Variants in CEP350 observed in about 807,000 individuals in gnomAD.
CEP350 encodes the protein centrosomal protein 350, also known as centrosome-associated protein 350.
Under a neutral mutation model 331.8 loss-of-function variants are expected in CEP350, and 126 were observed. The observed-to-expected ratio is 0.38, with a 90% CI of 0.33 to 0.44. The LOEUF (loss-of-function observed/expected upper bound fraction) is 0.44. Ranked by LOEUF, CEP350 falls within the 20% of genes least tolerant of loss-of-function variation. CEP350 has a pLI of 1.00. For missense variants in CEP350, 3,406 were observed against 3,634.6 expected, an observed-to-expected ratio of 0.94 and a Z score of 1.62; for synonymous variants, 1,200 against 1,259.5, an observed-to-expected ratio of 0.95 and a Z score of 1.00.
In CEP350 at chr1:179,954,878, A is replaced by AG; in HGVS notation, c.-277dup. 2.1e-6 allele frequency: 1 copy of AG among 480,628 alleles called. No individual in the cohort carries two copies. Among genetic ancestry groups the AG allele is most frequent in the Non-Finnish European group, 3.4e-6 (1 of 289,964 alleles). 29.8% of individuals were successfully genotyped at this position (480,628 alleles called of 1,614,324 possible). Reference sequence around the variant, plus strand: ...GACTCCCGGGCCGGGGAGCGGGGCCAGACCTGCGCCAGAGAGAACTGCAGG... The same window carrying AG: ...GACTCCCGGGCCGGGGAGCGGGGCCAGGACCTGCGCCAGAGAGAACTGCAGG... On this transcript the variant is annotated 5_prime_UTR_variant, in exon 1 of 38. Transcript: ENST00000367607.
At chr1:180,002,414 C>G (rs780486900) in intron 6 of CEP350, among the ~76,000 whole-genome samples, 1 of 152,058 alleles carries the variant, frequency 6.6e-6, no homozygotes, top group African/African-American at 2.4e-5. Flanking sequence ...GTGGAGGTTG[C>G]AGTGAGCTGA....
chr1:180,018,842 G>A (rs1430772716), intron 11 of CEP350, among the ~76,000 whole-genome samples: 6 of 145,120 alleles, frequency 4.1e-5, no homozygotes, highest in Non-Finnish European at 9.0e-5. Context: ...CCTCATGTTC[G>A]TCTTCTCTTT....
In CEP350 at chr1:179,965,237, T is replaced by C. The variant is rs373764645; in HGVS notation, c.-14+10095T>C. ...TTCCTTTTGGTATTGATTTCTAATTTTATTCTACTGTAGTCTGATAATATG... is the reference window on the plus strand; with the variant it reads ...TTCCTTTTGGTATTGATTTCTAATTCTATTCTACTGTAGTCTGATAATATG... On this transcript the variant is annotated intron_variant, in intron 1 of 37. Transcript: ENST00000367607. 1.2e-4 allele frequency among the ~76,000 whole-genome samples: 18 copies of C among 152,328 alleles called. No homozygotes were observed. In the East Asian group the frequency reaches 2.5e-3, roughly 21 times the overall value.
At chr1:179,979,662 AT>A (rs1229176346) in intron 1 of CEP350, among the ~76,000 whole-genome samples, 1 of 151,798 alleles carries the variant, frequency 6.6e-6, no homozygotes, top group Non-Finnish European at 1.5e-5. Flanking sequence ...TTTTCTTCTA[AT>A]TATTTTATAG....
At chr1:180,047,416 A>G (rs1190926670) in intron 21 of CEP350, among the ~76,000 whole-genome samples, 1 of 152,138 alleles carries the variant, frequency 6.6e-6, no homozygotes, top group Non-Finnish European at 1.5e-5. Flanking sequence ...TCTAAATGAT[A>G]GTAGTTGAAG....
intron 6 of CEP350, among the ~76,000 whole-genome samples, chr1:179,998,943 A>T (rs1014460615): frequency 6.6e-6 from 1 of 152,090 alleles, no homozygotes; most frequent in African/African-American, 2.4e-5. Context: ...GTCCAATATT[A>T]TAATTAATAA....
chr1:179,964,031 C>T (rs1218253611), intron 1 of CEP350, among the ~76,000 whole-genome samples: 1 of 152,094 alleles, frequency 6.6e-6, no homozygotes, highest in Non-Finnish European at 1.5e-5. Context: ...AGAAATCTTT[C>T]ACCTCCCTGG....
intron 21 of CEP350, among the ~76,000 whole-genome samples, chr1:180,045,471 C>T (rs1039095591): frequency 6.6e-6 from 1 of 152,160 alleles, no homozygotes; most frequent in African/African-American, 2.4e-5. Flanking sequence ...TTACAGTTAA[C>T]ATACTGACAT....
At chr1:180,109,475 G>A (rs1283155684) in intron 37 of CEP350, among the ~76,000 whole-genome samples, 1 of 152,046 alleles carries the variant, frequency 6.6e-6, no homozygotes, top group African/African-American at 2.4e-5. Context: ...GGAGCATGTT[G>A]TCACTTGGCT....
chr1:180,100,271 C>T (rs1040109960), intron 37 of CEP350, among the ~76,000 whole-genome samples: 7 of 152,202 alleles, frequency 4.6e-5, no homozygotes, highest in Non-Finnish European at 8.8e-5. Flanking sequence ...TGTTAAGTGA[C>T]TTGCCCAGTA....
intron 25 of CEP350, among the ~76,000 whole-genome samples, chr1:180,056,882 A>G (rs1462223439): frequency 6.6e-6 from 1 of 152,104 alleles, no homozygotes; most frequent in Non-Finnish European, 1.5e-5. Context: ...CCTTAAAACA[A>G]ATTAAAAACT....
rs373070260 is a variant in CEP350 at position 180,113,650 on chromosome 1, A to T, written c.*2489A>T. 1 of 152,266 alleles carries T rather than the reference A, an allele frequency of 6.6e-6. No individual in the cohort carries two copies. Among genetic ancestry groups the T allele is most frequent in the African/African-American group, 2.4e-5 (1 of 41,570 alleles). The allele number at this position is 152,266 out of a possible 1,614,324, so 9.4% of individuals were successfully genotyped here. A position where few individuals can be genotyped will look rare whatever the true frequency, so the allele number is the denominator to read the frequency against. ...TAATTGAAATGGCTTTATTCTTAGG[A>T]TTAAGAAAGATAGATGTGGATACCC... On this transcript the variant is annotated 3_prime_UTR_variant, in exon 38 of 38. Coordinates refer to ENST00000367607, the MANE Select transcript of CEP350 (RefSeq NM_014810.5).
intron 37 of CEP350, among the ~76,000 whole-genome samples, chr1:180,109,775 A>G (rs1326930399): frequency 6.6e-6 from 1 of 152,178 alleles, no homozygotes; most frequent in Non-Finnish European, 1.5e-5. Context: ...AGCTGGGACT[A>G]CAGGCGCGTG....
chr1:179,961,174 G>A (rs550538953), intron 1 of CEP350, among the ~76,000 whole-genome samples: 15 of 152,060 alleles, frequency 9.9e-5, no homozygotes, highest in Non-Finnish European at 1.9e-4. Flanking sequence ...GGCCAGGCGC[G>A]GTGGCTCATG....
rs1159265786 is a variant in CEP350, at chr1:180,096,104, C to T, written c.8986C>T (p.Pro2996Ser). The T allele has an allele frequency of 6.4e-7, 1 of 1,559,846 alleles. No homozygotes were observed. Among genetic ancestry groups the T allele is most frequent in the Non-Finnish European group, 8.7e-7 (1 of 1,150,428 alleles). ...IFAEDPNLNQPVWMKPCRINS... is the reference protein window; with the variant it reads ...IFAEDPNLNQSVWMKPCRINS... ...TGCTGAGGATCCCAACTTAAATCAA[C>T]CTGTCTGGATGAAGCCATGTAGAAT... The change falls in exon 36 of 38, where the codon CCT becomes TCT. Residue 2996 changes from proline to serine, a missense_variant. Transcript: ENST00000367607.
intron 27 of CEP350, 95 bp downstream of exon 27, chr1:180,065,367 CA>C: frequency 8.1e-7 from 1 of 1,232,258 alleles, no homozygotes; most frequent in Non-Finnish European, 1.1e-6. Flanking sequence ...TAGATTGAGA[CA>C]AAATATTTTA....
chr1:179,990,362 AAAT>A (rs1652967422), intron 3 of CEP350, 142 bp from the exon 4 acceptor site: 1 of 408,084 alleles, frequency 2.5e-6, no homozygotes, highest in South Asian at 8.9e-5. Flanking sequence ...GATGAAAAAC[AAAT>A]ATTATAAGAA....
chr1:180,014,308 A>G lies in CEP350; in HGVS notation c.1855A>G (p.Lys619Glu). 6.3e-7 allele frequency: 1 copy of G among 1,593,436 alleles called. No individual in the cohort carries two copies. Among genetic ancestry groups the G allele is most frequent in the South Asian group, 1.1e-5 (1 of 87,718 alleles). ...RKQNEEKKAQ[K>E]EATEQKNKRL... ...GCAAAATGAAGAGAAGAAGGCTCAA[A>G]AGGAGGCTACAGAACAGAAAAACAA... Residue 619 changes from lysine to glutamate, a missense_variant, in exon 10 of 38, where the codon AAG becomes GAG. By Grantham distance (56) the Lys-to-Glu change is moderately conservative (BLOSUM62 1). This residue lies in a region of CEP350 where 1,857 missense variants were observed against 1,909.2 expected (regional missense o/e 0.97). Transcript: ENST00000367607.
chr1:180,050,673 C>CAAAAAAAAAAAA (rs4058356), intron 22 of CEP350, among the ~76,000 whole-genome samples: 2 of 84,018 alleles, frequency 2.4e-5, no homozygotes, highest in Non-Finnish European at 5.2e-5. Context: ...CCAAAAAAAC[C>CAAAAAAAAAAAA]AAAAAAAAAA....
Sources: allele counts gnomAD v4.1 joint callset (sites outside exome capture counted in the v4.1 genomes callset), GRCh38; gene constraint gnomAD v4.1.1; regional missense constraint gnomAD v4.1.1; transcripts MANE v1.5; gene names NCBI Gene and HGNC (gene_info 2026-07-23, HGNC 2026-07-21).